The following AHCYL1 variants were observed in gnomAD, a reference collection of about 807,000 sequenced individuals.
The protein encoded by AHCYL1 is adenosylhomocysteinase like 1.
AHCYL1 carries 20 observed loss-of-function variants against 79.3 expected under a neutral mutation model. The ratio of observed to expected loss-of-function variants is 0.25; its 90% CI spans 0.18 to 0.37. AHCYL1 has a LOEUF of 0.37. AHCYL1 is among the 10% of genes least tolerant of loss of function. The probability of loss-of-function intolerance (pLI) is 1.00; values close to 1 mark genes in which losing one functional copy is unlikely to be tolerated. For synonymous variants in AHCYL1, 223 were observed against 242.2 expected, an observed-to-expected ratio of 0.92 and a Z score of 0.74; for missense variants, 330 against 673.6, an observed-to-expected ratio of 0.49 and a Z score of 5.65.
intron 1 of AHCYL1, among the ~76,000 whole-genome samples, chr1:110,001,681 C>G (rs999629856): frequency 2.6e-5 from 4 of 152,094 alleles, no homozygotes; most frequent in Non-Finnish European, 4.4e-5. Context: ...AACCAGAAAC[C>G]AGTGAAAATG....
At position 110,015,425 on chromosome 1, in the gene AHCYL1, A is replaced by G. The variant is rs1651354530; in HGVS notation, c.676A>G (p.Ile226Val). Residue 226 changes from isoleucine to valine, a missense_variant and splice_region_variant, in exon 7 of 17, where the codon ATC becomes GTC. Ile to Val is a conservative substitution (Grantham distance 29). Transcript: ENST00000369799. Reference sequence around the variant, plus strand: ...TAGAAGTCTTCTGGCTGTTCTATAGATCCTGGATGATGGGGGAGACTTAAC... The same window carrying G: ...TAGAAGTCTTCTGGCTGTTCTATAGGTCCTGGATGATGGGGGAGACTTAAC... ...VNMDGWQANM[I>V]LDDGGDLTHW... 1 of 1,613,554 alleles carries G rather than the reference A, an allele frequency of 6.2e-7. No homozygotes were observed. Among genetic ancestry groups the G allele is most frequent in the Non-Finnish European group, 8.5e-7 (1 of 1,179,612 alleles).
intron 1 of AHCYL1, among the ~76,000 whole-genome samples, chr1:109,987,889 AT>A (rs947522456): frequency 6.6e-5 from 10 of 151,836 alleles, no homozygotes; most frequent in African/African-American, 2.2e-4. Flanking sequence ...ATAAGTGCCT[AT>A]TTTTTTTGGA....
chr1:109,985,509 C>T, intron 1 of AHCYL1: 1 of 1,028,150 alleles, frequency 9.7e-7, no homozygotes, highest in Non-Finnish European at 1.2e-6. Flanking sequence ...GTGACCAGTC[C>T]GGGGGCATGG....
chr1:109,985,359 T>A, intron 1 of AHCYL1, 187 bp downstream of exon 1: 1 of 1,322,194 alleles, frequency 7.6e-7, no homozygotes, highest in Non-Finnish European at 9.7e-7. Context: ...GACCTCGCTT[T>A]CCTTTGTCCC....
intron 2 of AHCYL1, among the ~76,000 whole-genome samples, chr1:110,009,960 C>T (rs770632320): frequency 8.5e-5 from 13 of 152,148 alleles, no homozygotes; most frequent in Non-Finnish European, 1.8e-4. Context: ...GATATTTGTA[C>T]CAAAAGCCAT....
chr1:110,020,522 T>C (rs74117315), intron 15 of AHCYL1, among the ~76,000 whole-genome samples: 1,915 of 151,374 alleles, frequency 0.013, 44 homozygotes, highest in African/African-American at 0.044. Flanking sequence ...CTGAACGCAC[T>C]GTACATGTGC....
intron 2 of AHCYL1, among the ~76,000 whole-genome samples, chr1:110,009,610 G>A (rs1650892744): frequency 6.6e-6 from 1 of 152,158 alleles, no homozygotes; most frequent in South Asian, 2.1e-4. Context: ...TTATTTATTA[G>A]GTTATTCTTT....
At chr1:110,003,018 C>A (rs991016189) in intron 1 of AHCYL1, among the ~76,000 whole-genome samples, 1 of 151,860 alleles carries the variant, frequency 6.6e-6, no homozygotes, top group African/African-American at 2.4e-5. Context: ...AGAGACTGTT[C>A]TAGATTAGCA....
At chr1:110,016,296 C>A in intron 7 of AHCYL1, 48 bp from the exon 8 acceptor site, 2 of 1,393,938 alleles carry the variant, frequency 1.4e-6, no homozygotes, top group South Asian at 1.2e-5. Flanking sequence ...TTATGTTGTG[C>A]CAGCTAACTT....
intron 1 of AHCYL1, among the ~76,000 whole-genome samples, chr1:109,997,885 C>A (rs1650106350): frequency 6.6e-6 from 1 of 152,182 alleles, no homozygotes; most frequent in Non-Finnish European, 1.5e-5. Context: ...GGGAAACTTT[C>A]CATATGCACA....
At chr1:109,994,373 C>G (rs900659095) in intron 1 of AHCYL1, among the ~76,000 whole-genome samples, 1 of 152,232 alleles carries the variant, frequency 6.6e-6, no homozygotes, top group Admixed American at 6.5e-5. Context: ...AACAGTTCTC[C>G]TGCCTCAGCC....
chr1:110,018,293 C>A, intron 11 of AHCYL1, 80 bp from the exon 12 acceptor site: 1 of 1,351,178 alleles, frequency 7.4e-7, no homozygotes, highest in Non-Finnish European at 1.0e-6. Flanking sequence ...AGCCTCTGGT[C>A]TCCTATGTTC....
chr1:109,985,071 A>G lies in AHCYL1; in HGVS notation c.19A>G (p.Met7Val). ...CCGGGGAATGTCGATGCCTGACGCG[A>G]TGCCGCTGCCCGGGGTCGGGGAGGA... is the stretch of plus-strand genomic sequence containing the variant. MSMPDAMPLPGVGEELK... is the reference protein window; with the variant it reads MSMPDAVPLPGVGEELK... The change falls in exon 1 of 17, where the codon ATG becomes GTG. Residue 7 changes from methionine to valine, a missense_variant. Physicochemically the swap from Met to Val is conservative, Grantham distance 21. This residue lies in a region of AHCYL1 where 66 missense variants were observed against 68.0 expected (regional missense o/e 0.97). Coordinates refer to ENST00000369799, the MANE Select transcript of AHCYL1 (RefSeq NM_006621.7). 6.2e-7 allele frequency: 1 copy of G among 1,603,324 alleles called. No homozygotes were observed. Among genetic ancestry groups the G allele is most frequent in the Non-Finnish European group, 8.5e-7 (1 of 1,175,814 alleles).
At chr1:110,004,804 C>T (rs1650542315) in intron 1 of AHCYL1, among the ~76,000 whole-genome samples, 1 of 152,026 alleles carries the variant, frequency 6.6e-6, no homozygotes, top group Non-Finnish European at 1.5e-5. Flanking sequence ...GGCTGTCTGC[C>T]ATATTCTCTT....
intron 1 of AHCYL1, chr1:110,004,368 CA>C: frequency 1.0e-6 from 1 of 985,390 alleles, no homozygotes; most frequent in Non-Finnish European, 1.2e-6. Context: ...GGTTTCTGCA[CA>C]AGGGAATGGA....
intron 10 of AHCYL1, 41 bp from the exon 11 acceptor site, chr1:110,017,905 C>A: frequency 6.3e-7 from 1 of 1,597,684 alleles, no homozygotes; most frequent in Non-Finnish European, 8.6e-7. Context: ...CCTCCCACTG[C>A]CTTCTTGCTT....
intron 1 of AHCYL1, among the ~76,000 whole-genome samples, chr1:110,002,591 T>C (rs1389639235): frequency 6.6e-6 from 1 of 152,206 alleles, no homozygotes; most frequent in Non-Finnish European, 1.5e-5. Flanking sequence ...ACCTTCCCAA[T>C]ATAATTGGTT....
Position 110,020,714 on chromosome 1 carries a change from C to T in AHCYL1, c.1466-17C>T. 6.3e-7 allele frequency: 1 copy of T among 1,586,856 alleles called. No individual in the cohort carries two copies. The highest frequency in any genetic ancestry group is 8.5e-7 in the Non-Finnish European group (1 of 1,170,216). Reference sequence around the variant, plus strand: ...TTTGAAAAGGAGTCTGCTCTCCTGCCACTTTGCTCTTCCTAGATGAATACG... The same window carrying T: ...TTTGAAAAGGAGTCTGCTCTCCTGCTACTTTGCTCTTCCTAGATGAATACG... On this transcript the variant is annotated splice_polypyrimidine_tract_variant and intron_variant, in intron 15 of 16. Transcript: ENST00000369799.
At position 110,014,866 on chromosome 1, in the gene AHCYL1, G is replaced by A. The variant is rs184819647; in HGVS notation, c.675+9G>A. 17 of 1,606,428 alleles carry A rather than the reference G, an allele frequency of 1.1e-5. No individual in the cohort carries two copies. The African/African-American group carries it at 1.9e-4, about 18-fold the overall frequency. ...GGTGGCAGGCCAACATGGTAATAAT[G>A]CATATACATCCTACACTTTGACAAT... On this transcript the variant is annotated intron_variant, in intron 6 of 16. Coordinates refer to ENST00000369799, the MANE Select transcript of AHCYL1 (RefSeq NM_006621.7).
Sources: allele counts gnomAD v4.1 joint callset (sites outside exome capture counted in the v4.1 genomes callset), GRCh38; gene constraint gnomAD v4.1.1; regional missense constraint gnomAD v4.1.1; transcripts MANE v1.5; gene names NCBI Gene and HGNC (gene_info 2026-07-23, HGNC 2026-07-21).